The following KCNU1 variants were observed in gnomAD, a reference collection of about 807,000 sequenced individuals.
The protein encoded by KCNU1 is potassium calcium-activated channel subfamily U member 1.
Under a neutral mutation model 126.8 loss-of-function variants are expected in KCNU1, and 93 were observed. The ratio of observed to expected loss-of-function variants is 0.73; its 90% CI spans 0.62 to 0.87. KCNU1 has a LOEUF of 0.87. Ranked by LOEUF, KCNU1 falls within the 40% of genes least tolerant of loss-of-function variation. The pLI, the probability that KCNU1 is intolerant of heterozygous loss-of-function variation, is 0.00. For missense variants in KCNU1, 1,330 were observed against 1,367.1 expected (o/e 0.97, Z 0.43); for synonymous variants, 523 against 494.2 (o/e 1.06, Z -0.77).
intron 20 of KCNU1, among the ~76,000 whole-genome samples, chr8:36,906,789 G>C (rs1037131432): frequency 1.3e-5 from 2 of 152,116 alleles, no homozygotes; most frequent in African/African-American, 4.8e-5. Context: ...ACACGAAACT[G>C]TCAGAGCTGT....
intron 18 of KCNU1, among the ~76,000 whole-genome samples, chr8:36,861,644 A>G (rs1400184453): frequency 6.6e-6 from 1 of 152,188 alleles, no homozygotes; most frequent in African/African-American, 2.4e-5. Context: ...TGAGTGGTAA[A>G]GTACTATATT....
At chr8:36,816,126 A>G (rs1036300128) in intron 9 of KCNU1, among the ~76,000 whole-genome samples, 3 of 152,214 alleles carry the variant, frequency 2.0e-5, no homozygotes, top group African/African-American at 4.8e-5. Flanking sequence ...TGTCTTAGCC[A>G]AAGCTCCCCT....
intron 25 of KCNU1, among the ~76,000 whole-genome samples, chr8:36,932,215 C>T (rs16885583): frequency 0.19 from 29,398 of 152,012 alleles, 3,056 homozygotes; most frequent in Middle Eastern, 0.34. Context: ...TCCGTAGTCC[C>T]GGATTGCTCA....
At chr8:36,921,433 C>A (rs1022959516) in intron 23 of KCNU1, among the ~76,000 whole-genome samples, 1 of 152,038 alleles carries the variant, frequency 6.6e-6, no homozygotes, top group Admixed American at 6.6e-5. Context: ...TAGAAACAAA[C>A]TTTGGGAGGC....
At chr8:36,819,325 G>A (rs1804037981) in intron 10 of KCNU1, among the ~76,000 whole-genome samples, 1 of 151,734 alleles carries the variant, frequency 6.6e-6, no homozygotes, top group Admixed American at 6.6e-5. Context: ...CAACTCAAAG[G>A]CAAACAAACA....
At chr8:36,924,269 G>A (rs1808463086) in intron 24 of KCNU1, among the ~76,000 whole-genome samples, 1 of 152,234 alleles carries the variant, frequency 6.6e-6, no homozygotes, top group Non-Finnish European at 1.5e-5. Flanking sequence ...ATATGCAGAT[G>A]CTTAAATGCA....
intron 24 of KCNU1, among the ~76,000 whole-genome samples, chr8:36,930,492 G>A (rs1808665333): frequency 1.3e-5 from 2 of 152,100 alleles, no homozygotes; most frequent in Admixed American, 1.3e-4. Flanking sequence ...AGGATTATAA[G>A]TAAATCCACA....
chr8:36,800,775 T>G (rs776879573), intron 2 of KCNU1, among the ~76,000 whole-genome samples: 2 of 152,228 alleles, frequency 1.3e-5, no homozygotes, highest in East Asian at 3.9e-4. Context: ...CAGAAAGTAG[T>G]CATCTTGCGA....
chr8:36,849,413 A>G (rs1805265403), intron 18 of KCNU1, among the ~76,000 whole-genome samples: 1 of 151,750 alleles, frequency 6.6e-6, no homozygotes, highest in Non-Finnish European at 1.5e-5. Flanking sequence ...ACATGGTGAA[A>G]CCCCGTCTGT....
At chr8:36,910,903 GCCTCC>G in intron 21 of KCNU1, 22 bp from the exon 22 acceptor site, 1 of 1,511,404 alleles carries the variant, frequency 6.6e-7, no homozygotes, top group Non-Finnish European at 9.1e-7. Context: ...TCCGACCAGT[GCCTCC>G]TCTCTCTTTT....
At position 36,902,892 on chromosome 8, in the gene KCNU1, A is replaced by G. The variant is rs80242928; in HGVS notation, c.2010-2816A>G. On this transcript the variant is annotated intron_variant, in intron 19 of 26. Coordinates refer to ENST00000399881, the MANE Select transcript of KCNU1 (RefSeq NM_001031836.3). ...AGATAGATATTTAAGTTGCCAAAAG[A>G]CATGTTAATTTGAATGAACAGGGTA... Among the ~76,000 whole-genome samples the G allele has an allele frequency of 1.4e-3, 216 of 152,222 alleles. 6 individuals carry two copies. In the East Asian group the frequency reaches 0.035, roughly 25 times the overall value.
chr8:36,879,476 T>C (rs1408762511), intron 19 of KCNU1, among the ~76,000 whole-genome samples: 1 of 151,932 alleles, frequency 6.6e-6, no homozygotes, highest in Non-Finnish European at 1.5e-5. Flanking sequence ...GCAGAGCATA[T>C]TTCCATCTAA....
chr8:36,787,562 C>A, intron 2 of KCNU1, 137 bp downstream of exon 2: 1 of 639,402 alleles, frequency 1.6e-6, no homozygotes, highest in Non-Finnish European at 2.4e-6. Flanking sequence ...ACCACCTCCC[C>A]ATCCCCATCT....
intron 11 of KCNU1, among the ~76,000 whole-genome samples, chr8:36,834,026 C>T (rs1303677967): frequency 6.6e-6 from 1 of 152,174 alleles, no homozygotes; most frequent in Non-Finnish European, 1.5e-5. Context: ...TCTCTGAGTC[C>T]ATCAGCTTTA....
At chr8:36,868,712 CAA>C (rs973090338) in intron 19 of KCNU1, among the ~76,000 whole-genome samples, 4 of 152,184 alleles carry the variant, frequency 2.6e-5, no homozygotes, top group African/African-American at 9.6e-5. Context: ...GGCTAGCACA[CAA>C]AAGACTGTTT....
chr8:36,856,072 C>T (rs965750543), intron 18 of KCNU1, among the ~76,000 whole-genome samples: 7 of 152,122 alleles, frequency 4.6e-5, no homozygotes, highest in African/African-American at 1.7e-4. Context: ...TAATTAACAT[C>T]AGTTAATGTA....
Position 36,800,121 on chromosome 8 carries a change from G to A in KCNU1, c.316-3906G>A, listed in dbSNP as rs1167395396. ...AAAATGCTGAATCGTAACAGATTCT[G>A]TGTTAACTCTTTCATGAAAGTCATT... On this transcript the variant is annotated intron_variant, in intron 2 of 26. Coordinates refer to ENST00000399881, the MANE Select transcript of KCNU1 (RefSeq NM_001031836.3). 3.3e-5 allele frequency among the ~76,000 whole-genome samples: 5 copies of A among 152,150 alleles called. No homozygotes were observed. The East Asian group carries it at 5.8e-4, about 18-fold the overall frequency.
chr8:36,832,390 G>A (rs866504144), intron 10 of KCNU1, among the ~76,000 whole-genome samples: 7 of 152,260 alleles, frequency 4.6e-5, no homozygotes, highest in Admixed American at 1.3e-4. Flanking sequence ...TCCTACCCAT[G>A]AGCATGAAAC....
chr8:36,855,788 T>A (rs1805508109), intron 18 of KCNU1, among the ~76,000 whole-genome samples: 1 of 152,170 alleles, frequency 6.6e-6, no homozygotes, highest in South Asian at 2.1e-4. Flanking sequence ...TATCTTGTCT[T>A]CATTTTTTAA....
Sources: allele counts gnomAD v4.1 joint callset (sites outside exome capture counted in the v4.1 genomes callset), GRCh38; gene constraint gnomAD v4.1.1; transcripts MANE v1.5; gene names NCBI Gene and HGNC (gene_info 2026-07-23, HGNC 2026-07-21).